Variants in DCPS observed in about 807,000 individuals in gnomAD.
The protein encoded by DCPS is m7GpppX diphosphatase.
A neutral mutation model predicts 34.7 loss-of-function variants in DCPS; 27 were observed. The ratio of observed to expected loss-of-function variants is 0.78; its 90% CI spans 0.57 to 1.07. The LOEUF (loss-of-function observed/expected upper bound fraction) is 1.07. DCPS is among the 50% of genes least tolerant of loss of function. The probability of loss-of-function intolerance (pLI) is 0.00; values close to 1 mark genes in which losing one functional copy is unlikely to be tolerated. For missense variants in DCPS, 464 were observed against 436.9 expected (o/e 1.06, Z -0.55); for synonymous variants, 185 against 185.7 (o/e 1.00, Z 0.03).
intron 2 of DCPS, among the ~76,000 whole-genome samples, chr11:126,308,739 C>G (rs551290842): frequency 4.6e-5 from 7 of 152,010 alleles, no homozygotes; most frequent in East Asian, 3.9e-4. Context: ...CCCTCCCCAC[C>G]CTTGGCCAAA....
In DCPS at chr11:126,306,719, C is replaced by G. The variant is rs768792009; in HGVS notation, c.351C>G (p.His117Gln). The G allele has an allele frequency of 1.1e-5, 18 of 1,602,118 alleles. No individual in the cohort carries two copies. The highest frequency in any genetic ancestry group is 1.4e-5 in the Non-Finnish European group (16 of 1,169,982). ...QFSNDIYSTY[H>Q]LFPPRQLNDV... Reference sequence around the variant, plus strand: ...CCAATGATATCTACAGCACCTATCACTTGTTCCCTCCAAGACAACTGAATG... The same window carrying G: ...CCAATGATATCTACAGCACCTATCAGTTGTTCCCTCCAAGACAACTGAATG... Residue 117 changes from histidine to glutamine, a missense_variant, in exon 2 of 6, where the codon CAC (histidine) becomes CAG (glutamine). His to Gln is a conservative substitution (Grantham distance 24). Coordinates refer to ENST00000263579, the MANE Select transcript of DCPS (RefSeq NM_014026.6).
intron 2 of DCPS, among the ~76,000 whole-genome samples, chr11:126,330,637 A>C (rs1470657843): frequency 1.4e-5 from 2 of 137,944 alleles, no homozygotes; most frequent in Non-Finnish European, 3.0e-5. Context: ...GCCTGGAACC[A>C]CTGCGCTCTG....
At chr11:126,330,979 G>A (rs1017909558) in intron 2 of DCPS, among the ~76,000 whole-genome samples, 1 of 151,578 alleles carries the variant, frequency 6.6e-6, no homozygotes, top group African/African-American at 2.4e-5. Context: ...CAGGTGATCC[G>A]CCTGCCTCGG....
chr11:126,345,332 C>G lies in DCPS; in HGVS notation c.748-15C>G. Reference sequence around the variant, plus strand: ...AGCACGGTGACTCCTGACCTGCCTGCCCCTGTCTCATCAGGAGGCCATCCT... The same window carrying G: ...AGCACGGTGACTCCTGACCTGCCTGGCCCTGTCTCATCAGGAGGCCATCCT... On this transcript the variant is annotated splice_polypyrimidine_tract_variant and intron_variant, in intron 5 of 5. Coordinates refer to ENST00000263579, the MANE Select transcript of DCPS (RefSeq NM_014026.6). The surrounding 1 kb of genome is among the most constrained non-coding windows in gnomAD (Gnocchi z 7.4). 6.2e-7 allele frequency: 1 copy of G among 1,613,186 alleles called. No individual in the cohort carries two copies. The highest frequency in any genetic ancestry group is 8.5e-7 in the Non-Finnish European group (1 of 1,179,812).
chr11:126,304,934 G>T (rs908910543), intron 1 of DCPS, among the ~76,000 whole-genome samples: 1 of 152,076 alleles, frequency 6.6e-6, no homozygotes, highest in Non-Finnish European at 1.5e-5. Flanking sequence ...AACTAGTGAG[G>T]AGGCCTAGCC....
rs1951684675 is a variant in DCPS, at chr11:126,319,140, A to T, written c.377-12265A>T. On this transcript the variant is annotated intron_variant, in intron 2 of 5. Coordinates refer to ENST00000263579, the MANE Select transcript of DCPS (RefSeq NM_014026.6). This position sits in a 1 kb window ranked among gnomAD's most constrained non-coding sequence, Gnocchi z 4.5. ...GCTCATCTGAGTTGCAGAGAGAAGG[A>T]ACATATGCCTAGAGGGGCGCTTTTC... Among the ~76,000 whole-genome samples, 1 of 152,108 alleles carries T rather than the reference A, an allele frequency of 6.6e-6. No homozygotes were observed. The highest frequency in any genetic ancestry group is 1.9e-4 in the East Asian group (1 of 5,174).
intron 4 of DCPS, among the ~76,000 whole-genome samples, chr11:126,339,017 C>T (rs1405720643): frequency 6.6e-6 from 1 of 152,214 alleles, no homozygotes; most frequent in Non-Finnish European, 1.5e-5. Flanking sequence ...CTGTCTCTCC[C>T]AGACCAGCCC....
rs534458393 is a variant in DCPS at position 126,332,333 on chromosome 11, G to A, written c.522+783G>A. 2.0e-5 allele frequency among the ~76,000 whole-genome samples: 3 copies of A among 152,180 alleles called. No individual in the cohort carries two copies. Among genetic ancestry groups the A allele is most frequent in the Non-Finnish European group, 4.4e-5 (3 of 68,036 alleles). On this transcript the variant is annotated intron_variant, in intron 3 of 5. Coordinates refer to ENST00000263579, the MANE Select transcript of DCPS (RefSeq NM_014026.6). The surrounding 1 kb of genome is among the most constrained non-coding windows in gnomAD (Gnocchi z 5.4). ...CTGGGCCTAGGCCCAGCGCCAACTG[G>A]AGCCTCTGCCTGGAACTGGCCCCAT...
chr11:126,346,715 G>T lies in DCPS; in HGVS notation c.*1102G>T, dbSNP rs1591395162. Among the ~76,000 whole-genome samples, 1 of 152,288 alleles carries T rather than the reference G, an allele frequency of 6.6e-6. No homozygotes were observed. The highest frequency in any genetic ancestry group is 1.9e-4 in the East Asian group (1 of 5,174). On this transcript the variant is annotated 3_prime_UTR_variant, in exon 6 of 6. Transcript: ENST00000263579. This position sits in a 1 kb window ranked among gnomAD's most constrained non-coding sequence, Gnocchi z 4.1. ...CAGGCTCCTAAGTGACAGCAGGGGG[G>T]AAGCTTGAGGCACAGTGGGTGGTCC...
At chr11:126,339,882 C>T (rs945805645) in intron 4 of DCPS, among the ~76,000 whole-genome samples, 1 of 152,116 alleles carries the variant, frequency 6.6e-6, no homozygotes, top group African/African-American at 2.4e-5. Flanking sequence ...GGGGTCAGAG[C>T]CTGGGTCACA....
intron 2 of DCPS, among the ~76,000 whole-genome samples, chr11:126,330,287 G>A (rs1951772757): frequency 6.6e-6 from 1 of 152,126 alleles, no homozygotes; most frequent in Non-Finnish European, 1.5e-5. Flanking sequence ...GGATGCAGCT[G>A]AACATCCTTC....
At position 126,328,666 on chromosome 11, in the gene DCPS, T is replaced by C. The variant is rs922210197; in HGVS notation, c.377-2739T>C. Among the ~76,000 whole-genome samples the C allele has an allele frequency of 6.6e-6, 1 of 152,068 alleles. No homozygotes were observed. Among genetic ancestry groups the C allele is most frequent in the Admixed American group, 6.5e-5 (1 of 15,278 alleles). ...GCCCCAGGCTGGGAGCCCGGCTGGG[T>C]GACCCTGCCCGCAGAACCCGGCTGC... On this transcript the variant is annotated intron_variant, in intron 2 of 5. Coordinates refer to ENST00000263579, the MANE Select transcript of DCPS (RefSeq NM_014026.6). The surrounding 1 kb of genome is among the most constrained non-coding windows in gnomAD (Gnocchi z 6.6).
At position 126,329,103 on chromosome 11, in the gene DCPS, G is replaced by A. The variant is rs778252046; in HGVS notation, c.377-2302G>A. 6.6e-6 allele frequency among the ~76,000 whole-genome samples: 1 copy of A among 152,136 alleles called. No homozygotes were observed. Among genetic ancestry groups the A allele is most frequent in the Non-Finnish European group, 1.5e-5 (1 of 68,022 alleles). On this transcript the variant is annotated intron_variant, in intron 2 of 5. Coordinates refer to ENST00000263579, the MANE Select transcript of DCPS (RefSeq NM_014026.6). This position sits in a 1 kb window ranked among gnomAD's most constrained non-coding sequence, Gnocchi z 5.0. ...CCACTGCAAGGGCCAAGGTGGTGCC[G>A]TTCAGTCTACTTCAAGCAGTCTCCC...
rs769192861 is a variant in DCPS, at chr11:126,338,303, C to T, written c.540C>T (p.Leu180=). 35 of 1,614,002 alleles carry T rather than the reference C, an allele frequency of 2.2e-5. No individual in the cohort carries two copies. Among genetic ancestry groups the T allele is most frequent in the Middle Eastern group, 1.6e-4 (1 of 6,084 alleles). ...CCTTTCAGTGGGTGTATAACATTCT[C>T]GACAAGAAGGCTGAAGCGGACCGGA... ...SLSIQWVYNI[L]DKKAEADRIV... Residue 180 remains leucine, a synonymous_variant, in exon 4 of 6, where the codon CTC becomes CTT. Transcript: ENST00000263579. This position sits in a 1 kb window ranked among gnomAD's most constrained non-coding sequence, Gnocchi z 5.4.
rs1312115271 is a variant in DCPS at position 126,328,093 on chromosome 11, G to A, written c.377-3312G>A. On this transcript the variant is annotated intron_variant, in intron 2 of 5. Transcript: ENST00000263579. This position sits in a 1 kb window ranked among gnomAD's most constrained non-coding sequence, Gnocchi z 6.6. ...CAGCTCGGCCGTGGGAGCGGCCAGG[G>A]CACGGCCTGGAGAGGAGCCCATGGC... is the stretch of plus-strand genomic sequence containing the variant. Among the ~76,000 whole-genome samples, 1 of 152,218 alleles carries A rather than the reference G, an allele frequency of 6.6e-6. No individual in the cohort carries two copies. Among genetic ancestry groups the A allele is most frequent in the Non-Finnish European group, 1.5e-5 (1 of 68,040 alleles).
chr11:126,343,157 G>T, intron 4 of DCPS, 150 bp from the exon 5 acceptor site: 1 of 608,360 alleles, frequency 1.6e-6, no homozygotes. Context: ...CATCCCACAC[G>T]CCCGGGGTAT....
rs1349573778 is a variant in DCPS, at chr11:126,323,638, C to T, written c.377-7767C>T. Among the ~76,000 whole-genome samples the T allele has an allele frequency of 6.6e-6, 1 of 151,870 alleles. No individual in the cohort carries two copies. The highest frequency in any genetic ancestry group is 1.5e-5 in the Non-Finnish European group (1 of 67,988). On this transcript the variant is annotated intron_variant, in intron 2 of 5. Transcript: ENST00000263579. The surrounding 1 kb of genome is among the most constrained non-coding windows in gnomAD (Gnocchi z 4.4). ...GCAGCCTTGACCTTCCAGGCTCAAG[C>T]GATCCTCCCACCACCTCAGCCACCA...
Position 126,304,150 on chromosome 11 carries a change from A to G in DCPS, c.70A>G (p.Ser24Gly). 1 of 1,614,234 alleles carries G rather than the reference A, an allele frequency of 6.2e-7. No homozygotes were observed. The highest frequency in any genetic ancestry group is 8.5e-7 in the Non-Finnish European group (1 of 1,180,036). Residue 24 changes from serine (S) to glycine (G), a missense_variant, in exon 1 of 6, where the codon AGC (serine) becomes GGC (glycine). Coordinates refer to ENST00000263579, the MANE Select transcript of DCPS (RefSeq NM_014026.6). ...ELDVEEAHAA[S>G]TEEKEAGVGN... ...GGACGTGGAGGAGGCCCACGCCGCC[A>G]GCACAGAGGAAAAGGAGGCAGGAGT... is the stretch of plus-strand genomic sequence containing the variant.
Position 126,338,454 on chromosome 11 carries a change from G to T in DCPS, c.636+55G>T. ...CTCTGGCCACCCTGCTGTAAGTGCT[G>T]GTCCTTCTGACTGCCCTCTTTCTCA... On this transcript the variant is annotated intron_variant, in intron 4 of 5. Transcript: ENST00000263579. The surrounding 1 kb of genome is among the most constrained non-coding windows in gnomAD (Gnocchi z 5.4). 1 of 1,518,772 alleles carries T rather than the reference G, an allele frequency of 6.6e-7. No individual in the cohort carries two copies. The highest frequency in any genetic ancestry group is 9.1e-7 in the Non-Finnish European group (1 of 1,093,634). The allele number at this position is 1,518,772 out of a possible 1,614,324, so 94.1% of individuals were successfully genotyped here.
Sources: allele counts gnomAD v4.1 joint callset (sites outside exome capture counted in the v4.1 genomes callset), GRCh38; gene constraint gnomAD v4.1.1; non-coding constraint Gnocchi (gnomAD v3.1); transcripts MANE v1.5; gene names NCBI Gene and HGNC (gene_info 2026-07-23, HGNC 2026-07-21).